The following KLHL10 variants were observed in gnomAD, a reference collection of about 807,000 sequenced individuals.
KLHL10 encodes kelch like family member 10, also known as kelch-like protein 10.
In KLHL10, 11 loss-of-function variants were observed where a neutral mutation model predicts 46.6. That is an observed-to-expected ratio of 0.24 (90% CI 0.15 to 0.39). The LOEUF (loss-of-function observed/expected upper bound fraction) is 0.39. Ranked by LOEUF, KLHL10 falls within the 10% of genes least tolerant of loss-of-function variation. The pLI is 1.00. For synonymous variants in KLHL10, 254 were observed against 279.1 expected (o/e 0.91, Z 0.90); for missense variants, 475 against 789.8 (o/e 0.60, Z 4.78).
At chr17:41,836,289 T>TGGTGGGGCCGGGGCGGGGCGGG, upstream of KLHL10, 4 of 869,540 alleles carry the variant, frequency 4.6e-6, no homozygotes, top group East Asian at 1.0e-4. Context: ...GGGCGGGGGT[T>TGGTGGGGCCGGGGCGGGGCGGG]GGTGGGGCCG....
Position 41,847,477 on chromosome 17 carries a change from G to A in KLHL10, c.1452+67G>A, listed in dbSNP as rs1264680315. ...CCCCTAGATTTTGTATTAGTAAATG[G>A]GTTTATGCTACTATTGGTAAGTATT... On this transcript the variant is annotated intron_variant, in intron 4 of 4. Coordinates refer to ENST00000293303, the MANE Select transcript of KLHL10 (RefSeq NM_152467.5). The A allele has an allele frequency of 1.9e-6, 3 of 1,584,438 alleles. No homozygotes were observed. In the Admixed American group the frequency reaches 5.0e-5, roughly 26 times the overall value.
In KLHL10 at chr17:41,838,750, G is replaced by A. The variant is rs540295542; in HGVS notation, c.194+624G>A. 3.4e-5 allele frequency among the ~76,000 whole-genome samples: 5 copies of A among 148,838 alleles called. No individual in the cohort carries two copies. The East Asian group carries it at 7.9e-4, about 24-fold the overall frequency. On this transcript the variant is annotated intron_variant, in intron 1 of 4. Coordinates refer to ENST00000293303, the MANE Select transcript of KLHL10 (RefSeq NM_152467.5). ...GTTACCCAGGCTGGAGTGCAATGGC[G>A]CCATCTCGGCTCACTGCAAACTCCG...
chr17:41,843,318 C>G (rs1474423194), intron 2 of KLHL10, among the ~76,000 whole-genome samples: 2 of 151,556 alleles, frequency 1.3e-5, no homozygotes, highest in Admixed American at 6.6e-5. Flanking sequence ...ACCAGCCTGG[C>G]CAACATAGCA....
chr17:41,841,889 C>A lies in KLHL10; in HGVS notation c.261C>A (p.Pro87=). The A allele has an allele frequency of 6.2e-7, 1 of 1,613,966 alleles. No individual in the cohort carries two copies. The highest frequency in any genetic ancestry group is 8.5e-7 in the Non-Finnish European group (1 of 1,179,992). The change falls in exon 2 of 5, where the codon CCC becomes CCA. Residue 87 remains proline, a synonymous_variant. Transcript: ENST00000293303. ...KKVYNIPGIS[P]DMMKLIIEYA... is the part of the protein sequence containing the mutation. ...TATACAACATCCCTGGCATTTCTCC[C>A]GACATGATGAAGCTAATCATTGAGT...
At chr17:41,843,466 T>C (rs2048247746) in intron 2 of KLHL10, among the ~76,000 whole-genome samples, 5 of 151,472 alleles carry the variant, frequency 3.3e-5, no homozygotes, top group South Asian at 4.2e-4. Context: ...GATCGCACCA[T>C]TGCACTCCAG....
At chr17:41,839,353 T>C (rs562108777) in intron 1 of KLHL10, among the ~76,000 whole-genome samples, 1 of 152,318 alleles carries the variant, frequency 6.6e-6, no homozygotes, top group South Asian at 2.1e-4. Context: ...CTTTAATCTT[T>C]GATTCTCACC....
chr17:41,842,090 T>A lies in KLHL10; in HGVS notation c.462T>A (p.Pro154=). 1 of 1,614,162 alleles carries A rather than the reference T, an allele frequency of 6.2e-7. No individual in the cohort carries two copies. Among genetic ancestry groups the A allele is most frequent in the Non-Finnish European group, 8.5e-7 (1 of 1,180,038 alleles). ...AGTTCACGGACTACTACTACTGTCC[T>A]GAGCTGAGGCAGAAGGCCTACATGT... The part of the protein sequence containing the change: ...ICKFTDYYYC[P]ELRQKAYMFI... The change falls in exon 2 of 5, where the codon CCT becomes CCA. Residue 154 remains proline, a synonymous_variant. Transcript: ENST00000293303.
chr17:41,839,252 A>C (rs2048203154), intron 1 of KLHL10, among the ~76,000 whole-genome samples: 1 of 152,148 alleles, frequency 6.6e-6, no homozygotes, highest in Non-Finnish European at 1.5e-5. Flanking sequence ...GGTCTCCCAA[A>C]GTGCTGGGAT....
intron 2 of KLHL10, among the ~76,000 whole-genome samples, chr17:41,844,542 A>ATTTTTTTTTTTTTTTTTTTTTT (rs369578859): frequency 8.7e-6 from 1 of 115,348 alleles, no homozygotes. Flanking sequence ...TGGTTTTTGT[A>ATTTTTTTTTTTTTTTTTTTTTT]TTTTTTTTTT....
At chr17:41,839,095 G>A (rs549488734) in intron 1 of KLHL10, among the ~76,000 whole-genome samples, 2 of 152,122 alleles carry the variant, frequency 1.3e-5, no homozygotes, top group African/African-American at 2.4e-5. Flanking sequence ...AGGCTCAAGC[G>A]ATTCTTCTGT....
Position 41,842,058 on chromosome 17 carries a change from A to G in KLHL10, c.430A>G (p.Ile144Val). Residue 144 changes from isoleucine to valine, a missense_variant, in exon 2 of 5, where the codon ATC (isoleucine) becomes GTC (valine). Physicochemically the swap from Ile to Val is conservative, Grantham distance 29 (BLOSUM62 3). Coordinates refer to ENST00000293303, the MANE Select transcript of KLHL10 (RefSeq NM_152467.5). ...SELCLDNCIG[I>V]CKFTDYYYCP... Reference sequence around the variant, plus strand: ...GCTGTGCTTGGATAATTGTATCGGCATCTGTAAGTTCACGGACTACTACTA... The same window carrying G: ...GCTGTGCTTGGATAATTGTATCGGCGTCTGTAAGTTCACGGACTACTACTA... The G allele has an allele frequency of 1.2e-6, 2 of 1,614,150 alleles. No individual in the cohort carries two copies. Among genetic ancestry groups the G allele is most frequent in the South Asian group, 2.2e-5 (2 of 91,076 alleles).
intron 2 of KLHL10, 48 bp from the exon 3 acceptor site, chr17:41,845,078 C>A (rs781956683): frequency 6.2e-7 from 1 of 1,613,394 alleles, no homozygotes; most frequent in Non-Finnish European, 8.5e-7. Flanking sequence ...TGTGGGATTT[C>A]CTGGCACTCT....
intron 2 of KLHL10, among the ~76,000 whole-genome samples, chr17:41,844,828 C>T (rs1174771343): frequency 6.6e-6 from 1 of 151,924 alleles, no homozygotes; most frequent in East Asian, 1.9e-4. Context: ...GGATTACGGC[C>T]GTGAGCCACC....
upstream of KLHL10, chr17:41,836,001 G>A (rs1555619944): frequency 6.7e-7 from 1 of 1,490,874 alleles, no homozygotes; most frequent in Non-Finnish European, 9.0e-7. Flanking sequence ...GCGCCACGCT[G>A]GGCCCGAGGG....
rs376803007 is a variant in KLHL10 at position 41,841,851 on chromosome 17, A to G, written c.223A>G (p.Thr75Ala). 205 of 1,614,014 alleles carry G rather than the reference A, an allele frequency of 1.3e-4. No homozygotes were observed. Among genetic ancestry groups the G allele is most frequent in the Non-Finnish European group, 1.7e-4 (201 of 1,180,044 alleles). The change falls in exon 2 of 5, where the codon ACT becomes GCT. Residue 75 changes from threonine to alanine, a missense_variant. By Grantham distance (58) the Thr-to-Ala change is moderately conservative. Transcript: ENST00000293303. ...RALFTSGWNN[T>A]EKKVYNIPGI... ...TTTGTTTACAAGTGGCTGGAACAAC[A>G]CTGAAAAGAAGGTATACAACATCCC...
chr17:41,835,891 C>T, upstream of KLHL10: 1 of 1,608,896 alleles, frequency 6.2e-7, no homozygotes, highest in Non-Finnish European at 8.5e-7. Flanking sequence ...TTGCGGAGGG[C>T]GCCCACGATC....
intron 4 of KLHL10, 120 bp from the exon 5 acceptor site, chr17:41,847,811 CTT>C (rs2048305634): frequency 7.1e-7 from 1 of 1,410,300 alleles, no homozygotes; most frequent in African/African-American, 1.4e-5. Context: ...GGCTGAAAAG[CTT>C]TTTTTCATGG....
upstream of KLHL10, chr17:41,836,480 G>C (rs2048162132): frequency 1.0e-6 from 1 of 983,384 alleles, no homozygotes; most frequent in African/African-American, 1.7e-5. Flanking sequence ...CTTTGTGGAG[G>C]AAAAGCCTTG....
At chr17:41,838,641 T>TTTG (rs1490146100) in intron 1 of KLHL10, among the ~76,000 whole-genome samples, 2 of 107,150 alleles carry the variant, frequency 1.9e-5, no homozygotes, top group Admixed American at 2.4e-4. Flanking sequence ...CTCTTTTTTT[T>TTTG]TTTTGTTTGT....
Sources: allele counts gnomAD v4.1 joint callset (sites outside exome capture counted in the v4.1 genomes callset), GRCh38; gene constraint gnomAD v4.1.1; transcripts MANE v1.5; gene names NCBI Gene and HGNC (gene_info 2026-07-23, HGNC 2026-07-21).